Variants in VWF observed in about 807,000 individuals in gnomAD.
VWF encodes Factor VIII related antigen.
A neutral mutation model predicts 308.6 loss-of-function variants in VWF; 176 were observed. The observed-to-expected ratio is 0.57, with a 90% confidence interval of 0.50 to 0.65. VWF has a LOEUF of 0.65. Among genes scored for constraint, VWF ranks in the 30% least tolerant of loss-of-function variants. The pLI is 0.00. For missense variants in VWF, 3,146 were observed against 3,648.2 expected (o/e 0.86, Z 3.55); for synonymous variants, 1,385 against 1,443.4 (o/e 0.96, Z 0.92).
chr12:5,966,061 G>T (rs1396424094), intron 47 of VWF, among the ~76,000 whole-genome samples: 1 of 152,170 alleles, frequency 6.6e-6, no homozygotes, highest in Non-Finnish European at 1.5e-5. Flanking sequence ...GAACACCAGA[G>T]GGCACTGCAG....
chr12:5,964,242 A>ATGCATG lies in VWF; in HGVS notation c.7887+3243_7887+3244insCATGCA, dbSNP rs1565811123. Among the ~76,000 whole-genome samples the ATGCATG allele has an allele frequency of 2.9e-5, 4 of 136,970 alleles. No homozygotes were observed. The South Asian group carries it at 6.9e-4, about 24-fold the overall frequency. The allele number at this position is 136,970 out of a possible 152,430, so 89.9% of individuals were successfully genotyped here. A position where few individuals can be genotyped will look rare whatever the true frequency, so the allele number is the denominator to read the frequency against. On this transcript the variant is annotated intron_variant, in intron 47 of 51. Coordinates refer to ENST00000261405, the MANE Select transcript of VWF (RefSeq NM_000552.5). ...AAAATACATACATACATACATACAT[A>ATGCATG]CATACATGCATACATACATACATAC...
In VWF at chr12:6,092,614, T is replaced by TGAGAGAGAGAGAGA. The variant is rs1555073700; in HGVS notation, c.657+2845_657+2846insTCTCTCTCTCTCTC. On this transcript the variant is annotated intron_variant, in intron 6 of 51. Transcript: ENST00000261405. ...CATGCCCAGCTAGTTAGTGAGTGAGTGAGAGTGTGTGTGTGTGTGTGTGTG... is the reference window on the plus strand; with the variant it reads ...CATGCCCAGCTAGTTAGTGAGTGAGTGAGAGAGAGAGAGAGAGAGTGTGTGTGTGTGTGTGTGTG... Among the ~76,000 whole-genome samples, 203 of 86,066 alleles carry TGAGAGAGAGAGAGA rather than the reference T, an allele frequency of 2.4e-3. 3 individuals are homozygous for TGAGAGAGAGAGAGA. Among genetic ancestry groups the TGAGAGAGAGAGAGA allele is most frequent in the Middle Eastern group, 5.3e-3 (1 of 190 alleles). 56.5% of individuals were successfully genotyped at this position (86,066 alleles called of 152,430 possible).
rs1161495290 is a variant in VWF, at chr12:5,964,262, A to ACATACATACATG, written c.7887+3212_7887+3223dup. On this transcript the variant is annotated intron_variant, in intron 47 of 51. Transcript: ENST00000261405. Reference sequence around the variant, plus strand: ...TACATACATACATGCATACATACATACATACATACATGCATACATACATGC... The same window carrying ACATACATACATG: ...TACATACATACATGCATACATACATACATACATACATGCATACATACATGCATACATACATGC... Among the ~76,000 whole-genome samples the ACATACATACATG allele has an allele frequency of 2.9e-3, 408 of 141,862 alleles. 4 individuals are homozygous for ACATACATACATG. The highest frequency in any genetic ancestry group is 6.9e-3 in the Middle Eastern group (2 of 288). 93.1% of individuals were successfully genotyped at this position (141,862 alleles called of 152,430 possible). A position where few individuals can be genotyped will look rare whatever the true frequency, so the allele number is the denominator to read the frequency against.
intron 1 of VWF, among the ~76,000 whole-genome samples, chr12:6,123,845 G>A (rs1390813261): frequency 6.6e-6 from 1 of 152,126 alleles, no homozygotes; most frequent in African/African-American, 2.4e-5. Context: ...TCCCCACTGT[G>A]TGACCCCCAA....
At position 5,953,778 on chromosome 12, in the gene VWF, C is replaced by G. The variant is rs115804723; in HGVS notation, c.7888-184G>C. 4,566 of 639,016 alleles carry G rather than the reference C, an allele frequency of 7.1e-3. 145 individuals carry two copies. Among genetic ancestry groups the G allele is most frequent in the African/African-American group, 0.071 (3,979 of 55,812 alleles). The allele number at this position is 639,016 out of a possible 1,614,324, so 39.6% of individuals were successfully genotyped here. On this transcript the variant is annotated intron_variant, in intron 47 of 51. Transcript: ENST00000261405. ...CAGTCCCCTAGGTAGCATTCCTTCA[C>G]TCTGCATGTGCACATCTCACTCAAG... is the stretch of plus-strand genomic sequence containing the variant.
chr12:6,005,738 G>C (rs1943918058), intron 34 of VWF, among the ~76,000 whole-genome samples: 1 of 152,112 alleles, frequency 6.6e-6, no homozygotes, highest in Non-Finnish European at 1.5e-5. Flanking sequence ...AAAACAACGG[G>C]CAGCCAAGAA....
intron 6 of VWF, among the ~76,000 whole-genome samples, chr12:6,082,850 T>C (rs1236098595): frequency 6.6e-6 from 1 of 152,242 alleles, no homozygotes; most frequent in East Asian, 1.9e-4. Flanking sequence ...ACACTAGTGA[T>C]GGGGTGCAAA....
chr12:6,027,292 G>A (rs576448426), intron 22 of VWF, among the ~76,000 whole-genome samples: 6 of 152,082 alleles, frequency 3.9e-5, no homozygotes, highest in Non-Finnish European at 7.3e-5. Flanking sequence ...TGCTTGTTCC[G>A]TCTGCCTAAA....
At chr12:6,056,655 C>T (rs944468133) in intron 15 of VWF, among the ~76,000 whole-genome samples, 2 of 152,224 alleles carry the variant, frequency 1.3e-5, no homozygotes, top group Non-Finnish European at 2.9e-5. Flanking sequence ...AGGCCCGAAT[C>T]ATCAGCCGGT....
At chr12:5,952,183 A>C in intron 49 of VWF, 1 of 750,282 alleles carries the variant, frequency 1.3e-6, no homozygotes, top group Non-Finnish European at 2.2e-6. Context: ...GCCTCCCTTA[A>C]GGAAAATATT....
At chr12:6,101,686 C>T (rs932906174) in intron 5 of VWF, among the ~76,000 whole-genome samples, 1 of 152,034 alleles carries the variant, frequency 6.6e-6, no homozygotes, top group East Asian at 1.9e-4. Context: ...TGAGGCAGGA[C>T]AATTGCTTGA....
In VWF at chr12:5,976,185, C is replaced by T. The variant is rs763541335; in HGVS notation, c.7363G>A (p.Asp2455Asn). 25 of 1,613,994 alleles carry T rather than the reference C, an allele frequency of 1.5e-5. No homozygotes were observed. The South Asian group carries it at 1.8e-4, about 11-fold the overall frequency. ...EEGCDVCTCT[D>N]MEDAVMGLRV... The stretch of plus-strand genomic sequence containing the variant: ...AGGCCCATCACGGCATCCTCCATGT[C>T]GGTGCAGGTGCACACATCGCAGCCC... The change falls in exon 43 of 52, where the codon GAC becomes AAC. Residue 2455 changes from aspartate (D) to asparagine (N), a missense_variant. Physicochemically the swap from Asp to Asn is conservative, Grantham distance 23. Around this residue, in one of 3 missense-constraint regions of VWF, gnomAD observed 989 missense variants for 1,117.4 expected, o/e 0.89. Transcript: ENST00000261405.
At chr12:6,103,436 GTATATACATACACATATA>G (rs1308807964) in intron 5 of VWF, among the ~76,000 whole-genome samples, 4 of 121,128 alleles carry the variant, frequency 3.3e-5, no homozygotes, top group Non-Finnish European at 3.2e-5. Flanking sequence ...ACACACGTGT[GTATATACATACACATATA>G]TGTGTATATA....
At chr12:6,065,082 G>A (rs1200699853) in intron 11 of VWF, 55 bp downstream of exon 11, 1 of 1,612,524 alleles carries the variant, frequency 6.2e-7, no homozygotes, top group Non-Finnish European at 8.5e-7. Context: ...CAGCCTAGCA[G>A]CTATGCAGCA....
intron 6 of VWF, 66 bp downstream of exon 6, chr12:6,095,394 T>C: frequency 6.2e-7 from 1 of 1,609,354 alleles, no homozygotes; most frequent in Non-Finnish European, 8.5e-7. Context: ...TGAGACTGAG[T>C]CCTTCTGTCT....
chr12:6,112,240 G>A (rs568660392), intron 3 of VWF, among the ~76,000 whole-genome samples: 13 of 152,254 alleles, frequency 8.5e-5, no homozygotes, highest in Admixed American at 6.5e-4. Flanking sequence ...GGCTGAACAG[G>A]GTGACAAGGG....
Position 6,019,356 on chromosome 12 carries a change from C to T in VWF, c.4062G>A (p.Val1354=), listed in dbSNP as rs767777214. 2.5e-6 allele frequency: 4 copies of T among 1,613,948 alleles called. No homozygotes were observed. The highest frequency in any genetic ancestry group is 2.2e-5 in the East Asian group (1 of 44,876). ...ASQVKYAGSQ[V]ASTSEVLKYT... is the part of the protein sequence containing the mutation. ...ATTTCAAGACCTCGCTGGTGGAGGC[C>T]ACCTGGCTGCCCGCATACTTCACCT... Residue 1354 remains valine (V), a synonymous_variant, in exon 28 of 52, where the codon GTG becomes GTA. Coordinates refer to ENST00000261405, the MANE Select transcript of VWF (RefSeq NM_000552.5). The surrounding 1 kb of genome is among the most constrained non-coding windows in gnomAD (Gnocchi z 5.8).
chr12:6,069,348 T>C (rs1944756556), intron 10 of VWF, among the ~76,000 whole-genome samples: 2 of 152,132 alleles, frequency 1.3e-5, no homozygotes, highest in Admixed American at 6.5e-5. Context: ...GAGCCCTTGA[T>C]GCCACCTAAA....
At chr12:5,980,991 T>A (rs1441010814) in intron 42 of VWF, among the ~76,000 whole-genome samples, 1 of 152,238 alleles carries the variant, frequency 6.6e-6, no homozygotes, top group Non-Finnish European at 1.5e-5. Flanking sequence ...GACTGCTGTT[T>A]GTAATGAAAA....
Sources: allele counts gnomAD v4.1 joint callset (sites outside exome capture counted in the v4.1 genomes callset), GRCh38; gene constraint gnomAD v4.1.1; regional missense constraint gnomAD v4.1.1; non-coding constraint Gnocchi (gnomAD v3.1); transcripts MANE v1.5; gene names NCBI Gene and HGNC (gene_info 2026-07-23, HGNC 2026-07-21).